KCNK9: variants seen among roughly 807,000 people sequenced by gnomAD.
KCNK9 encodes potassium channel subfamily K member 9.
In KCNK9, 1 loss-of-function variant was observed where a neutral mutation model predicts 10.8. The observed-to-expected ratio is 0.09, with a 90% confidence interval of 0.03 to 0.44. The LOEUF (loss-of-function observed/expected upper bound fraction) is 0.44, where lower values mean the gene tolerates loss of function less well. KCNK9 is among the 20% of genes least tolerant of loss of function. KCNK9 has a pLI of 0.97. For synonymous variants in KCNK9, 231 were observed against 222.7 expected, an observed-to-expected ratio of 1.04 and a Z score of -0.33; for missense variants, 303 against 515.0, an observed-to-expected ratio of 0.59 and a Z score of 3.98.
intron 2 of KCNK9, among the ~76,000 whole-genome samples, chr8:139,606,935 G>A (rs1171484458): frequency 6.6e-6 from 1 of 152,134 alleles, no homozygotes. Flanking sequence ...GCAGAGGGTG[G>A]ACTGAGATGA....
At chr8:139,643,561 C>G (rs575184973) in intron 1 of KCNK9, among the ~76,000 whole-genome samples, 17 of 152,220 alleles carry the variant, frequency 1.1e-4, no homozygotes, top group Non-Finnish European at 2.4e-4. Context: ...GGGCCTAGGG[C>G]TTGGCACTGG....
chr8:139,635,751 A>G (rs1815317667), intron 1 of KCNK9, among the ~76,000 whole-genome samples: 1 of 152,056 alleles, frequency 6.6e-6, no homozygotes, highest in South Asian at 2.1e-4. Flanking sequence ...AAAAAAAATC[A>G]CCCACAACCC....
At chr8:139,654,371 C>T (rs548114709) in intron 1 of KCNK9, among the ~76,000 whole-genome samples, 70 of 152,298 alleles carry the variant, frequency 4.6e-4, no homozygotes, top group Middle Eastern at 3.4e-3. Flanking sequence ...CCTCGGAGCG[C>T]GGCCAGACCC....
chr8:139,619,319 G>C (rs1011881656), intron 1 of KCNK9, among the ~76,000 whole-genome samples: 2 of 152,092 alleles, frequency 1.3e-5, no homozygotes, highest in African/African-American at 2.4e-5. Flanking sequence ...GGATGGCAGG[G>C]GGGTAGGAAC....
intron 1 of KCNK9, among the ~76,000 whole-genome samples, chr8:139,696,181 C>T (rs889453501): frequency 6.6e-6 from 1 of 152,094 alleles, no homozygotes; most frequent in Non-Finnish European, 1.5e-5. Flanking sequence ...CATCCACTAC[C>T]ACTTCATTAT....
intron 1 of KCNK9, among the ~76,000 whole-genome samples, chr8:139,678,491 C>T (rs1177042809): frequency 6.6e-6 from 1 of 152,248 alleles, no homozygotes; most frequent in Non-Finnish European, 1.5e-5. Flanking sequence ...ATGCTCTGAG[C>T]TCCGGGGCCT....
intron 1 of KCNK9, among the ~76,000 whole-genome samples, chr8:139,699,767 C>A (rs1010059611): frequency 6.6e-6 from 1 of 152,208 alleles, no homozygotes. Flanking sequence ...GCCACAGATT[C>A]AACGCAAAGT....
At chr8:139,656,408 T>C (rs1816021887) in intron 1 of KCNK9, among the ~76,000 whole-genome samples, 1 of 152,100 alleles carries the variant, frequency 6.6e-6, no homozygotes, top group East Asian at 1.9e-4. Context: ...TCTTACCACC[T>C]CTGGGTCTTC....
At chr8:139,701,488 G>T (rs1477318886) in intron 1 of KCNK9, among the ~76,000 whole-genome samples, 7 of 152,106 alleles carry the variant, frequency 4.6e-5, no homozygotes, top group Non-Finnish European at 1.0e-4. Context: ...TATCAAGAGG[G>T]AAATTAGAGG....
chr8:139,609,190 G>A (rs1814336079), downstream of KCNK9, among the ~76,000 whole-genome samples: 1 of 144,526 alleles, frequency 6.9e-6, no homozygotes, highest in Admixed American at 7.0e-5. Context: ...TTCCAGCTCT[G>A]CCGCTTTTCT....
chr8:139,659,534 C>T (rs934100899), intron 1 of KCNK9, among the ~76,000 whole-genome samples: 12 of 152,268 alleles, frequency 7.9e-5, no homozygotes, highest in Middle Eastern at 6.8e-3. Context: ...GTTGTTGAGA[C>T]GGAGTCTCGC....
At chr8:139,637,785 A>ACACACACACACACACACACACACACAC (rs3032725) in intron 1 of KCNK9, among the ~76,000 whole-genome samples, 5 of 149,670 alleles carry the variant, frequency 3.3e-5, no homozygotes, top group South Asian at 2.2e-4. Context: ...ACACACACAC[A>ACACACACACACACACACACACACACAC]ATAATAGTAA....
downstream of KCNK9, chr8:139,616,621 C>T (rs1309273466): frequency 2.0e-5 from 3 of 152,182 alleles, no homozygotes; most frequent in Admixed American, 6.5e-5. Context: ...TAGGTCTACT[C>T]TTTCTAGGGA....
In KCNK9 at chr8:139,629,681, G is replaced by A. The variant is rs376227743; in HGVS notation, c.284-10582C>T. Among the ~76,000 whole-genome samples, 31 of 152,244 alleles carry A rather than the reference G, an allele frequency of 2.0e-4. No homozygotes were observed. The East Asian group carries it at 5.8e-3, about 29-fold the overall frequency. On this transcript the variant is annotated intron_variant, in intron 1 of 1. Transcript: ENST00000520439. The stretch of plus-strand genomic sequence containing the variant: ...AGCCTAGAACTCCACAATGAAAGGG[G>A]GGGAAGATGCAGTTTCTGGTGGGGG...
intron 1 of KCNK9, among the ~76,000 whole-genome samples, chr8:139,670,212 T>C (rs1462123064): frequency 6.6e-6 from 1 of 152,192 alleles, no homozygotes; most frequent in African/African-American, 2.4e-5. Context: ...TGTACAGATG[T>C]GGTTCCTGGT....
At chr8:139,603,780 G>T (rs768473669) in intron 2 of KCNK9, among the ~76,000 whole-genome samples, 4 of 152,340 alleles carry the variant, frequency 2.6e-5, no homozygotes, top group Non-Finnish European at 2.9e-5. Flanking sequence ...ATCCCTTGAA[G>T]ATTCTGGAAA....
intron 1 of KCNK9, among the ~76,000 whole-genome samples, chr8:139,632,093 T>C (rs564081415): frequency 6.6e-6 from 1 of 152,322 alleles, no homozygotes; most frequent in African/African-American, 2.4e-5. Context: ...ACATGTTGCA[T>C]GTGTGACTTC....
downstream of KCNK9, chr8:139,616,332 C>A (rs1328649396): frequency 1.3e-5 from 2 of 152,066 alleles, no homozygotes; most frequent in Admixed American, 1.3e-4. Flanking sequence ...TTTTAGAGCC[C>A]CAAGTAGGGC....
chr8:139,624,161 T>G (rs1285561403), intron 1 of KCNK9, among the ~76,000 whole-genome samples: 2 of 152,286 alleles, frequency 1.3e-5, no homozygotes, highest in East Asian at 3.9e-4. Flanking sequence ...GCTGCTCATC[T>G]CCAGAGCTTC....
Sources: gnomAD v4.1 joint callset for allele counts (sites outside exome capture counted in the v4.1 genomes callset) on GRCh38, gnomAD v4.1.1 for gene constraint, MANE v1.5 for transcripts, NCBI Gene and HGNC (gene_info 2026-07-23, HGNC 2026-07-21) for gene names.